The following LRRC8D variants were observed in gnomAD, a reference collection of about 807,000 sequenced individuals.
The protein encoded by LRRC8D is volume-regulated anion channel subunit LRRC8D.
In LRRC8D, 20 loss-of-function variants were observed where a neutral mutation model predicts 55.8. The observed-to-expected ratio is 0.36, with a 90% CI of 0.25 to 0.52. The LOEUF is 0.52. Ranked by LOEUF, LRRC8D falls within the 20% of genes least tolerant of loss-of-function variation. The pLI is 0.93. For missense variants in LRRC8D, 651 were observed against 1,030.8 expected, an observed-to-expected ratio of 0.63 and a Z score of 5.05; for synonymous variants, 352 against 377.0, an observed-to-expected ratio of 0.93 and a Z score of 0.77.
rs1663122425 is a variant in LRRC8D at position 89,911,017 on chromosome 1, T to C, written c.-2-22050T>C. 6.6e-6 allele frequency among the ~76,000 whole-genome samples: 1 copy of C among 152,184 alleles called. No homozygotes were observed. The highest frequency in any genetic ancestry group is 2.4e-5 in the African/African-American group (1 of 41,450). ...TCACTGACACTCTCCTTAGAAATGC[T>C]AAATATTTCTTTTCCCACCTTCTTT... is the stretch of plus-strand genomic sequence containing the variant. On this transcript the variant is annotated intron_variant, in intron 2 of 2. Coordinates refer to ENST00000337338, the MANE Select transcript of LRRC8D (RefSeq NM_001134479.2). This position sits in a 1 kb window ranked among gnomAD's most constrained non-coding sequence, Gnocchi z 4.0.
chr1:89,861,150 C>T (rs1661711925), intron 2 of LRRC8D, among the ~76,000 whole-genome samples: 1 of 152,084 alleles, frequency 6.6e-6, no homozygotes, highest in East Asian at 1.9e-4. Context: ...GGCAGAGATG[C>T]TCTCTAAGGT....
rs571023331 is a variant in LRRC8D at position 89,889,157 on chromosome 1, G to A, written c.-2-43910G>A. Among the ~76,000 whole-genome samples the A allele has an allele frequency of 5.8e-4, 88 of 152,210 alleles. 1 individual carries two copies. The highest frequency in any genetic ancestry group is 2.0e-3 in the African/African-American group (84 of 41,540). On this transcript the variant is annotated intron_variant, in intron 2 of 2. Coordinates refer to ENST00000337338, the MANE Select transcript of LRRC8D (RefSeq NM_001134479.2). ...ATGCTTGATATGATGTGATGAGAAT[G>A]GCACTTTACTTCTGGGGTCTTACTC...
At chr1:89,836,808 AT>A (rs1189020528) in intron 1 of LRRC8D, among the ~76,000 whole-genome samples, 1 of 152,238 alleles carries the variant, frequency 6.6e-6, no homozygotes, top group Non-Finnish European at 1.5e-5. Context: ...CTCTCTGCTA[AT>A]TTAACTAAGT....
chr1:89,892,472 G>A (rs1382017652), intron 2 of LRRC8D, among the ~76,000 whole-genome samples: 1 of 152,064 alleles, frequency 6.6e-6, no homozygotes. Context: ...TCTAGGTGCA[G>A]TCATTTGACC....
intron 2 of LRRC8D, among the ~76,000 whole-genome samples, chr1:89,927,175 C>T (rs1296802893): frequency 2.0e-5 from 3 of 152,268 alleles, no homozygotes; most frequent in African/African-American, 7.2e-5. Context: ...AAGAGACAGG[C>T]TTCCCTGGCA....
chr1:89,862,576 A>G (rs1661747816), intron 2 of LRRC8D, among the ~76,000 whole-genome samples: 1 of 152,142 alleles, frequency 6.6e-6, no homozygotes, highest in South Asian at 2.1e-4. Context: ...GGATGTATTT[A>G]TGTTTTTCAG....
chr1:89,853,750 A>G (rs996733708), intron 2 of LRRC8D, among the ~76,000 whole-genome samples: 2 of 152,112 alleles, frequency 1.3e-5, no homozygotes, highest in African/African-American at 4.8e-5. Flanking sequence ...TCTGACAGTT[A>G]GGTATTCAGT....
intron 2 of LRRC8D, among the ~76,000 whole-genome samples, chr1:89,924,566 A>G (rs893695094): frequency 1.3e-5 from 2 of 152,232 alleles, no homozygotes; most frequent in Non-Finnish European, 2.9e-5. Context: ...TCTATTGTGT[A>G]TATACCCAAA....
intron 2 of LRRC8D, among the ~76,000 whole-genome samples, chr1:89,848,762 C>G (rs182962010): frequency 0.011 from 1,627 of 151,814 alleles, 24 homozygotes; most frequent in African/African-American, 0.038. Context: ...TGCAGTGGCG[C>G]GATCTCGGCT....
At chr1:89,860,802 A>ATATG (rs1213914821) in intron 2 of LRRC8D, among the ~76,000 whole-genome samples, 2 of 130,706 alleles carry the variant, frequency 1.5e-5, no homozygotes, top group South Asian at 2.4e-4. Flanking sequence ...ATATATATAT[A>ATATG]TATATATACA....
At chr1:89,889,863 A>G (rs1662519407) in intron 2 of LRRC8D, among the ~76,000 whole-genome samples, 1 of 150,476 alleles carries the variant, frequency 6.6e-6, no homozygotes, top group African/African-American at 2.5e-5. Context: ...AGCCTGGGTA[A>G]TAGAGTGAGA....
chr1:89,904,583 T>G (rs1662945028), intron 2 of LRRC8D, among the ~76,000 whole-genome samples: 1 of 152,250 alleles, frequency 6.6e-6, no homozygotes, highest in Non-Finnish European at 1.5e-5. Flanking sequence ...TGGTTCTTGC[T>G]GACATGCTTT....
chr1:89,909,177 T>C (rs1019619482), intron 2 of LRRC8D, among the ~76,000 whole-genome samples: 8 of 152,270 alleles, frequency 5.3e-5, no homozygotes, highest in African/African-American at 1.4e-4. Context: ...CTATGTGAGA[T>C]TGATGACAGT....
chr1:89,880,413 G>A (rs1662252855), intron 2 of LRRC8D, among the ~76,000 whole-genome samples: 1 of 151,486 alleles, frequency 6.6e-6, no homozygotes, highest in African/African-American at 2.4e-5. Flanking sequence ...ATCTCATTAG[G>A]TTGGACATTT....
At chr1:89,909,859 C>T (rs1463222565) in intron 2 of LRRC8D, among the ~76,000 whole-genome samples, 2 of 142,820 alleles carry the variant, frequency 1.4e-5, no homozygotes, top group African/African-American at 5.2e-5. Context: ...GAGCAAGACT[C>T]CGTCTCAAAA....
chr1:89,873,433 A>G (rs535580462), intron 2 of LRRC8D, among the ~76,000 whole-genome samples: 4 of 152,232 alleles, frequency 2.6e-5, no homozygotes, highest in Non-Finnish European at 5.9e-5. Context: ...ACTACCAAAC[A>G]CAAAAGCCAG....
At chr1:89,842,186 C>G (rs1661151595) in intron 1 of LRRC8D, among the ~76,000 whole-genome samples, 1 of 139,450 alleles carries the variant, frequency 7.2e-6, no homozygotes, top group African/African-American at 2.7e-5. Context: ...GCACTCCAGC[C>G]TGGGCGACAG....
chr1:89,849,279 T>G (rs970783976), intron 2 of LRRC8D, among the ~76,000 whole-genome samples: 1 of 152,222 alleles, frequency 6.6e-6, no homozygotes, highest in Non-Finnish European at 1.5e-5. Context: ...TTTATGAATA[T>G]TTTTGGCTTC....
chr1:89,843,980 G>A (rs1319939340), intron 2 of LRRC8D, among the ~76,000 whole-genome samples, 198 bp downstream of exon 2: 4 of 152,230 alleles, frequency 2.6e-5, no homozygotes, highest in Non-Finnish European at 5.9e-5. Flanking sequence ...GGCCCTGGGC[G>A]TGCGCTGCGG....
Sources: allele counts gnomAD v4.1 joint callset (sites outside exome capture counted in the v4.1 genomes callset), GRCh38; gene constraint gnomAD v4.1.1; non-coding constraint Gnocchi (gnomAD v3.1); transcripts MANE v1.5; gene names NCBI Gene and HGNC (gene_info 2026-07-23, HGNC 2026-07-21).